BICD1: variants seen among roughly 807,000 people sequenced by gnomAD.
BICD1 encodes BICD cargo adaptor 1, also known as protein bicaudal D homolog 1.
Under a neutral mutation model 92.5 loss-of-function variants are expected in BICD1, and 35 were observed. The observed-to-expected ratio is 0.38, with a 90% CI of 0.29 to 0.50. The LOEUF is 0.50. Ranked by LOEUF, BICD1 falls within the 20% of genes least tolerant of loss-of-function variation. The pLI, the probability that BICD1 is intolerant of heterozygous loss-of-function variation, is 0.93. For synonymous variants in BICD1, 429 were observed against 465.1 expected (o/e 0.92, Z 1.00); for missense variants, 950 against 1,189.8 (o/e 0.80, Z 2.97).
In BICD1 at chr12:32,338,959, G is replaced by A. The variant is rs1421053536; in HGVS notation, c.2744G>A (p.Arg915Lys). The A allele has an allele frequency of 6.3e-7, 1 of 1,597,818 alleles. No individual in the cohort carries two copies. Residue 915 changes from arginine (R) to lysine (K), a missense_variant, in exon 8 of 10, where the codon AGG (arginine) becomes AAG (lysine). Arg to Lys is a conservative substitution (Grantham distance 26, BLOSUM62 2). Coordinates refer to ENST00000652176, the MANE Select transcript of BICD1 (RefSeq NM_001714.4). ...IQGHRLSKEK[R>K]LTVAPPDCQQ... ...GGGCACCGGCTCAGCAAGGAAAAAAGGTTAACCGTGGCTCCACCAGGTAAA... is the reference window on the plus strand; with the variant it reads ...GGGCACCGGCTCAGCAAGGAAAAAAAGTTAACCGTGGCTCCACCAGGTAAA...
At chr12:32,325,452 T>A (rs376537075) in intron 4 of BICD1, among the ~76,000 whole-genome samples, 1 of 152,158 alleles carries the variant, frequency 6.6e-6, no homozygotes, top group Admixed American at 6.6e-5. Flanking sequence ...TATTTGGTCA[T>A]TGAAATTTGG....
At chr12:32,320,512 C>T (rs904772838) in intron 4 of BICD1, among the ~76,000 whole-genome samples, 5 of 152,000 alleles carry the variant, frequency 3.3e-5, no homozygotes, top group African/African-American at 7.2e-5. Flanking sequence ...TGTGTTGGCA[C>T]GTGCCTGTAA....
intron 2 of BICD1, among the ~76,000 whole-genome samples, chr12:32,224,205 G>T (rs1945618131): frequency 6.6e-6 from 1 of 152,138 alleles, no homozygotes; most frequent in Non-Finnish European, 1.5e-5. Context: ...CTGTTTCCTG[G>T]CCTGTTCCTG....
chr12:32,295,299 C>T (rs1319957942), intron 3 of BICD1, among the ~76,000 whole-genome samples: 3 of 151,968 alleles, frequency 2.0e-5, no homozygotes, highest in African/African-American at 4.8e-5. Flanking sequence ...ACAGTTGAAT[C>T]GAGTAGTTAA....
intron 2 of BICD1, among the ~76,000 whole-genome samples, chr12:32,290,861 CCT>C (rs1565645746): frequency 6.6e-6 from 1 of 152,174 alleles, no homozygotes; most frequent in African/African-American, 2.4e-5. Flanking sequence ...TCTTTTCCCC[CCT>C]CCAATTGCAA....
intron 2 of BICD1, among the ~76,000 whole-genome samples, chr12:32,249,247 G>A (rs1230350312): frequency 6.6e-6 from 1 of 152,194 alleles, no homozygotes; most frequent in Non-Finnish European, 1.5e-5. Context: ...GGTGCCCTAG[G>A]GAGCAGATGT....
intron 2 of BICD1, among the ~76,000 whole-genome samples, chr12:32,278,732 T>A (rs1220674655): frequency 6.6e-6 from 1 of 152,114 alleles, no homozygotes; most frequent in Non-Finnish European, 1.5e-5. Flanking sequence ...GGCGGGCGCC[T>A]GTAGTCCCAG....
intron 2 of BICD1, among the ~76,000 whole-genome samples, chr12:32,286,441 A>C (rs1351799051): frequency 2.6e-5 from 4 of 152,174 alleles, no homozygotes; most frequent in Admixed American, 1.3e-4. Context: ...AATTAAGATA[A>C]TATGTTTCTA....
chr12:32,357,387 A>G (rs561919805), intron 8 of BICD1, among the ~76,000 whole-genome samples: 4 of 152,138 alleles, frequency 2.6e-5, no homozygotes, highest in Non-Finnish European at 2.9e-5. Context: ...CTTGAATTAA[A>G]ACTTTTTAAT....
chr12:32,220,078 A>C (rs1945470542), intron 2 of BICD1, among the ~76,000 whole-genome samples: 1 of 152,228 alleles, frequency 6.6e-6, no homozygotes. Context: ...CTTACACCTT[A>C]TACAAAAACT....
Position 32,328,229 on chromosome 12 carries a change from C to T in BICD1, c.1774C>T (p.Pro592Ser), listed in dbSNP as rs1592680851. Residue 592 changes from proline to serine, a missense_variant, in exon 5 of 10, where the codon CCA becomes TCA. Around this residue, in one of 5 missense-constraint regions of BICD1, gnomAD observed 309 missense variants for 499.4 expected, o/e 0.62. Transcript: ENST00000652176. The surrounding 1 kb of genome is among the most constrained non-coding windows in gnomAD (Gnocchi z 4.4). ...AGAAAGCACAGAGGCCAGCAAAGAA[C>T]CAAGTCCAACTAAGACCCCCACAAT... ...AKESTEASKEPSPTKTPTISP... is the reference protein window; with the variant it reads ...AKESTEASKESSPTKTPTISP... The T allele has an allele frequency of 6.2e-7, 1 of 1,614,180 alleles. No homozygotes were observed. Among genetic ancestry groups the T allele is most frequent in the East Asian group, 2.2e-5 (1 of 44,882 alleles).
chr12:32,187,431 T>C (rs1239062030), intron 1 of BICD1, among the ~76,000 whole-genome samples: 1 of 152,136 alleles, frequency 6.6e-6, no homozygotes, highest in Non-Finnish European at 1.5e-5. Context: ...CTCAGCACTT[T>C]GGGAGGCCGA....
chr12:32,150,285 A>T (rs1222470283), intron 1 of BICD1, among the ~76,000 whole-genome samples: 1 of 152,226 alleles, frequency 6.6e-6, no homozygotes, highest in African/African-American at 2.4e-5. Context: ...TTTAGGTTCC[A>T]ACATACAAAT....
chr12:32,275,169 T>C (rs996105828), intron 2 of BICD1, among the ~76,000 whole-genome samples: 1 of 152,200 alleles, frequency 6.6e-6, no homozygotes, highest in African/African-American at 2.4e-5. Flanking sequence ...GCAAATCAAG[T>C]TGTAAATTAC....
intron 8 of BICD1, chr12:32,353,652 C>A (rs1304039069): frequency 6.6e-6 from 1 of 151,602 alleles, no homozygotes; most frequent in Non-Finnish European, 1.5e-5. Context: ...ATATGTTTTT[C>A]TTGTTTGGGA....
chr12:32,157,160 G>A (rs1465326525), intron 1 of BICD1, among the ~76,000 whole-genome samples: 1 of 152,148 alleles, frequency 6.6e-6, no homozygotes, highest in Admixed American at 6.5e-5. Flanking sequence ...ATTTGATATT[G>A]ATTCAGGAGA....
At chr12:32,177,786 TTTATA>T (rs1023190716) in intron 1 of BICD1, among the ~76,000 whole-genome samples, 1 of 24,724 alleles carries the variant, frequency 4.0e-5, no homozygotes, top group African/African-American at 1.3e-4. Flanking sequence ...TATATAAATA[TTTATA>T]AAAATATAAA....
At chr12:32,303,818 T>C (rs1350669809) in intron 3 of BICD1, among the ~76,000 whole-genome samples, 2 of 152,202 alleles carry the variant, frequency 1.3e-5, no homozygotes, top group African/African-American at 4.8e-5. Context: ...CTCACGCCTG[T>C]AATCCCAGCA....
In BICD1 at chr12:32,277,264, C is replaced by T. The variant is rs573863976; in HGVS notation, c.427-16730C>T. 1.4e-4 allele frequency among the ~76,000 whole-genome samples: 21 copies of T among 152,216 alleles called. No homozygotes were observed. The South Asian group carries it at 3.5e-3, about 26-fold the overall frequency. On this transcript the variant is annotated intron_variant, in intron 2 of 9. Coordinates refer to ENST00000652176, the MANE Select transcript of BICD1 (RefSeq NM_001714.4). The stretch of plus-strand genomic sequence containing the variant: ...GAAAAATTAGTTGGGCATGGTGGCA[C>T]GCACCTGTAATCCCAGCTACTCGGG...
Sources: gnomAD v4.1 joint callset for allele counts (sites outside exome capture counted in the v4.1 genomes callset) on GRCh38, gnomAD v4.1.1 for gene constraint, gnomAD v4.1.1 regional missense constraint, Gnocchi (gnomAD v3.1) non-coding constraint, MANE v1.5 for transcripts, NCBI Gene and HGNC (gene_info 2026-07-23, HGNC 2026-07-21) for gene names.